Variants in CAMK2D observed in about 807,000 individuals in gnomAD.
CAMK2D encodes calcium/calmodulin-dependent protein kinase type II subunit delta.
A neutral mutation model predicts 84.0 loss-of-function variants in CAMK2D; 37 were observed. The ratio of observed to expected loss-of-function variants is 0.44; its 90% confidence interval spans 0.34 to 0.58. The LOEUF is 0.58. Ranked by LOEUF, CAMK2D falls within the 20% of genes least tolerant of loss-of-function variation. The pLI is 0.02. For missense variants in CAMK2D, 448 were observed against 652.5 expected (o/e 0.69, Z 3.41); for synonymous variants, 202 against 212.5 (o/e 0.95, Z 0.43).
chr4:113,546,034 T>C (rs1159253076), intron 6 of CAMK2D, among the ~76,000 whole-genome samples: 3 of 152,224 alleles, frequency 2.0e-5, no homozygotes, highest in African/African-American at 7.2e-5. Flanking sequence ...AGAGAAGTCC[T>C]GTATTACGAT....
At chr4:113,687,621 G>T (rs2099363709) in intron 2 of CAMK2D, among the ~76,000 whole-genome samples, 2 of 152,164 alleles carry the variant, frequency 1.3e-5, no homozygotes, top group Non-Finnish European at 2.9e-5. Flanking sequence ...ACTAAACAAG[G>T]AAACTTTCGG....
At chr4:113,634,444 T>C (rs2099102166) in intron 3 of CAMK2D, among the ~76,000 whole-genome samples, 1 of 152,102 alleles carries the variant, frequency 6.6e-6, no homozygotes, top group Non-Finnish European at 1.5e-5. Flanking sequence ...TCTATTTCTT[T>C]GGTAGGGAGA....
intron 4 of CAMK2D, among the ~76,000 whole-genome samples, chr4:113,570,620 T>C (rs550396089): frequency 1.3e-5 from 2 of 152,156 alleles, no homozygotes; most frequent in Admixed American, 6.5e-5. Context: ...AATTAGACAT[T>C]CATATTACAC....
intron 2 of CAMK2D, among the ~76,000 whole-genome samples, chr4:113,715,119 T>C (rs1446788276): frequency 6.6e-6 from 1 of 152,074 alleles, no homozygotes; most frequent in Admixed American, 6.6e-5. Flanking sequence ...ATGTAATTTC[T>C]ACATGGTCTC....
intron 4 of CAMK2D, among the ~76,000 whole-genome samples, chr4:113,607,334 T>C (rs73841789): frequency 0.048 from 7,257 of 152,200 alleles, 499 homozygotes; most frequent in African/African-American, 0.15. Context: ...GCAGTAGGAT[T>C]GTGCAGAAGT....
At chr4:113,518,072 G>A (rs754258176) in intron 8 of CAMK2D, among the ~76,000 whole-genome samples, 2 of 152,116 alleles carry the variant, frequency 1.3e-5, no homozygotes, top group Non-Finnish European at 2.9e-5. Flanking sequence ...TTGTTTTGAT[G>A]GTCATTGGGA....
intron 2 of CAMK2D, among the ~76,000 whole-genome samples, chr4:113,693,475 C>G (rs900316375): frequency 2.0e-5 from 3 of 152,162 alleles, no homozygotes; most frequent in Non-Finnish European, 4.4e-5. Context: ...AAATACTCCT[C>G]AAACTCTGAT....
chr4:113,544,150 T>C (rs2154193421), intron 6 of CAMK2D, among the ~76,000 whole-genome samples: 1 of 152,276 alleles, frequency 6.6e-6, no homozygotes, highest in Non-Finnish European at 1.5e-5. Flanking sequence ...AATGCTACCT[T>C]ACTGATTTTC....
At chr4:113,685,521 T>C (rs1030226166) in intron 2 of CAMK2D, among the ~76,000 whole-genome samples, 29 of 151,996 alleles carry the variant, frequency 1.9e-4, no homozygotes, top group African/African-American at 5.1e-4. Context: ...ATTACAGGCA[T>C]GAGCCACTGC....
intron 3 of CAMK2D, among the ~76,000 whole-genome samples, chr4:113,661,341 T>G (rs1374269806): frequency 6.6e-6 from 1 of 152,174 alleles, no homozygotes; most frequent in Non-Finnish European, 1.5e-5. Flanking sequence ...GACTCCAAAT[T>G]ATGTGGTTAA....
At chr4:113,650,471 C>T (rs970194426) in intron 3 of CAMK2D, among the ~76,000 whole-genome samples, 6 of 146,004 alleles carry the variant, frequency 4.1e-5, no homozygotes, top group East Asian at 2.0e-4. Flanking sequence ...GAGCCGAGAT[C>T]GTGACACTGC....
At chr4:113,674,561 G>T (rs757098906) in intron 2 of CAMK2D, among the ~76,000 whole-genome samples, 8 of 152,208 alleles carry the variant, frequency 5.3e-5, no homozygotes, top group Non-Finnish European at 7.4e-5. Context: ...TCTAAATTCT[G>T]AAAGAGGAAG....
chr4:113,677,921 G>T (rs1463394567), intron 2 of CAMK2D, among the ~76,000 whole-genome samples: 1 of 151,902 alleles, frequency 6.6e-6, no homozygotes, highest in African/African-American at 2.4e-5. Flanking sequence ...GTAGCATCTT[G>T]ATAAAGCTTC....
chr4:113,752,239 TTA>T (rs2099619032), intron 2 of CAMK2D, among the ~76,000 whole-genome samples: 1 of 151,358 alleles, frequency 6.6e-6, no homozygotes, highest in African/African-American at 2.4e-5. Flanking sequence ...TATGATATAA[TTA>T]TATATATCAA....
At chr4:113,632,543 T>C (rs72893920) in intron 3 of CAMK2D, among the ~76,000 whole-genome samples, 7 of 151,668 alleles carry the variant, frequency 4.6e-5, no homozygotes, top group Admixed American at 2.6e-4. Flanking sequence ...TATTATTTGA[T>C]TGTGCTATTG....
chr4:113,508,223 G>C (rs773786452), intron 13 of CAMK2D: 1 of 1,535,748 alleles, frequency 6.5e-7, no homozygotes, highest in South Asian at 1.2e-5. Flanking sequence ...AAATCTGGCA[G>C]ATAGATCCTC....
At chr4:113,546,411 A>AT (rs1383689304) in intron 6 of CAMK2D, among the ~76,000 whole-genome samples, 1 of 152,222 alleles carries the variant, frequency 6.6e-6, no homozygotes, top group East Asian at 1.9e-4. Flanking sequence ...TTCAGAAGAA[A>AT]ATGCCCTTAA....
intron 2 of CAMK2D, among the ~76,000 whole-genome samples, chr4:113,742,286 A>G (rs2099594798): frequency 6.6e-6 from 1 of 152,222 alleles, no homozygotes; most frequent in Non-Finnish European, 1.5e-5. Flanking sequence ...AAAAAATATC[A>G]AACTTTTCCT....
At chr4:113,503,057 G>A (rs2098078637) in intron 14 of CAMK2D, 80 bp from the exon 15 acceptor site, 3 of 979,912 alleles carry the variant, frequency 3.1e-6, no homozygotes, top group Admixed American at 1.7e-5. Context: ...AGAGCAGAGT[G>A]AGCCAGCTGA....
Sources: gnomAD v4.1 joint callset for allele counts (sites outside exome capture counted in the v4.1 genomes callset) on GRCh38, gnomAD v4.1.1 for gene constraint, MANE v1.5 for transcripts, NCBI Gene and HGNC (gene_info 2026-07-23, HGNC 2026-07-21) for gene names.